ABLIM1: variants seen among roughly 807,000 people sequenced by gnomAD.
ABLIM1 encodes the protein actin binding LIM protein 1.
A neutral mutation model predicts 107.0 loss-of-function variants in ABLIM1; 40 were observed. The observed-to-expected ratio is 0.37, with a 90% confidence interval of 0.29 to 0.49. The LOEUF (loss-of-function observed/expected upper bound fraction) is 0.49, where lower values mean the gene tolerates loss of function less well. Ranked by LOEUF, ABLIM1 falls within the 20% of genes least tolerant of loss-of-function variation. The probability of loss-of-function intolerance (pLI) is 0.97; values close to 1 mark genes in which losing one functional copy is unlikely to be tolerated. For missense variants in ABLIM1, 857 were observed against 1,008.5 expected (o/e 0.85, Z 2.04); for synonymous variants, 357 against 357.3 (o/e 1.00, Z 0.01).
At chr10:114,517,718 C>G (rs909090296) in intron 6 of ABLIM1, among the ~76,000 whole-genome samples, 2 of 152,190 alleles carry the variant, frequency 1.3e-5, no homozygotes, top group African/African-American at 4.8e-5. Flanking sequence ...GAAATTGCCT[C>G]ATAATCAACC....
intron 10 of ABLIM1, among the ~76,000 whole-genome samples, chr10:114,468,421 C>CA (rs33941331): frequency 7.2e-3 from 6 of 830 alleles, no homozygotes; most frequent in Non-Finnish European, 0.022. Context: ...ACTACAGGCG[C>CA]CGCCACCACC....
intron 1 of ABLIM1, among the ~76,000 whole-genome samples, chr10:114,626,200 T>C (rs11196813): frequency 0.11 from 16,602 of 152,112 alleles, 964 homozygotes; most frequent in Middle Eastern, 0.14. Context: ...ATCACTGTCC[T>C]CAGGAGCTGC....
intron 12 of ABLIM1, among the ~76,000 whole-genome samples, chr10:114,456,439 G>A (rs758260266): frequency 1.3e-5 from 2 of 152,150 alleles, no homozygotes; most frequent in East Asian, 1.9e-4. Flanking sequence ...TCATTCTTAC[G>A]GTCTTTTCTC....
intron 6 of ABLIM1, among the ~76,000 whole-genome samples, chr10:114,510,582 A>G (rs950402316): frequency 5.9e-5 from 9 of 152,098 alleles, no homozygotes; most frequent in South Asian, 4.1e-4. Flanking sequence ...AGTCTATTTC[A>G]TATAACAAAA....
the ABLIM1 span, among the ~76,000 whole-genome samples, chr10:114,790,469 A>T: frequency 6.6e-6 from 1 of 152,210 alleles, no homozygotes; most frequent in Non-Finnish European, 1.5e-5. Flanking sequence ...GTGAATTTAA[A>T]TTGTGTGTCT....
chr10:114,655,762 G>A (rs767861067), intron 1 of ABLIM1, among the ~76,000 whole-genome samples: 18 of 152,112 alleles, frequency 1.2e-4, no homozygotes, highest in Admixed American at 2.0e-4. Flanking sequence ...CTTCATCCCC[G>A]CTCCCTGCTC....
At chr10:114,542,487 T>C (rs986158756) in intron 6 of ABLIM1, among the ~76,000 whole-genome samples, 9 of 97,618 alleles carry the variant, frequency 9.2e-5, no homozygotes, top group African/African-American at 3.6e-4. Context: ...GGAAGAAAGA[T>C]GAAAGAAGAA....
chr10:114,681,406 T>G (rs4752114), intron 1 of ABLIM1, among the ~76,000 whole-genome samples: 103,619 of 151,904 alleles, frequency 0.68, 35,399 homozygotes, highest in African/African-American at 0.7. Context: ...CGTTGGCCAG[T>G]CTGGTCTCGA....
chr10:114,772,496 A>G (rs2083036073), upstream of ABLIM1, among the ~76,000 whole-genome samples: 2 of 152,054 alleles, frequency 1.3e-5, no homozygotes, highest in Non-Finnish European at 2.9e-5. Context: ...AGTCCCAGCT[A>G]TTTGGGAGTC....
intron 1 of ABLIM1, among the ~76,000 whole-genome samples, chr10:114,763,712 A>G (rs1382857861): frequency 1.3e-5 from 2 of 152,160 alleles, no homozygotes; most frequent in African/African-American, 4.8e-5. Flanking sequence ...TTTATAACTT[A>G]AAAATAACTT....
At chr10:114,675,252 T>A (rs11196858) in intron 1 of ABLIM1, among the ~76,000 whole-genome samples, 22,779 of 152,150 alleles carry the variant, frequency 0.15, 1,718 homozygotes, top group Middle Eastern at 0.19. Context: ...CTGATATGGT[T>A]TGGCTGTGTC....
At chr10:114,660,590 C>G (rs1272187664), upstream of ABLIM1, among the ~76,000 whole-genome samples, 1 of 152,122 alleles carries the variant, frequency 6.6e-6, no homozygotes, top group Admixed American at 6.6e-5. Context: ...CTCAGCCCTA[C>G]CAGGTTCTTC....
chr10:114,488,486 T>C (rs1470342527), intron 7 of ABLIM1, among the ~76,000 whole-genome samples: 1 of 152,174 alleles, frequency 6.6e-6, no homozygotes, highest in Non-Finnish European at 1.5e-5. Context: ...CTTACTGAAT[T>C]TTTCATTGAT....
upstream of ABLIM1, among the ~76,000 whole-genome samples, chr10:114,659,050 T>C (rs2079661295): frequency 6.6e-6 from 1 of 152,200 alleles, no homozygotes; most frequent in African/African-American, 2.4e-5. Context: ...TCTACAACCA[T>C]ACAAAAGTCC....
chr10:114,566,121 G>A (rs1277879082), intron 4 of ABLIM1, among the ~76,000 whole-genome samples: 2 of 152,132 alleles, frequency 1.3e-5, no homozygotes, highest in African/African-American at 4.8e-5. Context: ...AGTCAGACTA[G>A]AGCATTTGTC....
chr10:114,440,486 C>T (rs902596980), intron 19 of ABLIM1, among the ~76,000 whole-genome samples: 19 of 152,182 alleles, frequency 1.2e-4, no homozygotes, highest in African/African-American at 4.6e-4. Flanking sequence ...TGCTCCGTCA[C>T]CCAGGCTGGA....
In ABLIM1 at chr10:114,601,049, TACACACACACACACACACACACAC is replaced by T. The variant is rs59709817; in HGVS notation, c.379+754_379+777del. 1.8e-3 allele frequency among the ~76,000 whole-genome samples: 233 copies of T among 128,586 alleles called. 1 individual carries two copies. Among genetic ancestry groups the T allele is most frequent in the South Asian group, 0.017 (61 of 3,508 alleles). The allele number at this position is 128,586 out of a possible 152,430, so 84.4% of individuals were successfully genotyped here. A position where few individuals can be genotyped will look rare whatever the true frequency, so the allele number is the denominator to read the frequency against. On this transcript the variant is annotated intron_variant, in intron 2 of 22. Coordinates refer to ENST00000533213, the MANE Select transcript of ABLIM1 (RefSeq NM_002313.7). ...TTGTTGCTTAATTCTCACATCTCAA[TACACACACACACACACACACACAC>T]ACACACACACACACACACACACACA...
chr10:114,781,662 G>GTATATATATATATATATATATA, the ABLIM1 span, among the ~76,000 whole-genome samples: 3 of 23,068 alleles, frequency 1.3e-4, no homozygotes, highest in Admixed American at 1.2e-3. Context: ...ATATATATGC[G>GTATATATATATATATATATATA]TGTATATATA....
chr10:114,659,085 C>T (rs2079663339), upstream of ABLIM1, among the ~76,000 whole-genome samples: 1 of 152,216 alleles, frequency 6.6e-6, no homozygotes. Context: ...TAAACTCACA[C>T]TCCTTCTCCT....
Sources: gnomAD v4.1 joint callset for allele counts (sites outside exome capture counted in the v4.1 genomes callset) on GRCh38, gnomAD v4.1.1 for gene constraint, MANE v1.5 for transcripts, NCBI Gene and HGNC (gene_info 2026-07-23, HGNC 2026-07-21) for gene names.